Variants in RSPO2 observed in about 807,000 individuals in gnomAD.
The protein encoded by RSPO2 is R-spondin 2.
A neutral mutation model predicts 30.9 loss-of-function variants in RSPO2; 14 were observed. The ratio of observed to expected loss-of-function variants is 0.45; its 90% CI spans 0.30 to 0.71. The LOEUF (loss-of-function observed/expected upper bound fraction) is 0.71. RSPO2 is among the 30% of genes least tolerant of loss of function. RSPO2 has a pLI of 0.08. For synonymous variants in RSPO2, 107 were observed against 96.4 expected, an observed-to-expected ratio of 1.11 and a Z score of -0.64; for missense variants, 264 against 301.9, an observed-to-expected ratio of 0.87 and a Z score of 0.93.
chr8:107,957,476 T>A (rs914343846), intron 5 of RSPO2, among the ~76,000 whole-genome samples: 3 of 152,224 alleles, frequency 2.0e-5, no homozygotes, highest in Non-Finnish European at 2.9e-5. Context: ...TATTACAGAA[T>A]AATTACTGCA....
At chr8:107,930,685 A>C (rs1812526285) in intron 5 of RSPO2, among the ~76,000 whole-genome samples, 1 of 152,332 alleles carries the variant, frequency 6.6e-6, no homozygotes, top group East Asian at 1.9e-4. Context: ...TCAATCATCT[A>C]ACTCATGATG....
At chr8:107,975,452 C>A (rs547749308) in intron 3 of RSPO2, among the ~76,000 whole-genome samples, 3 of 152,338 alleles carry the variant, frequency 2.0e-5, no homozygotes, top group Admixed American at 1.3e-4. Flanking sequence ...TATTTAACTT[C>A]TCTACGCCTC....
At chr8:108,023,109 T>C (rs946337037) in intron 2 of RSPO2, among the ~76,000 whole-genome samples, 1 of 152,176 alleles carries the variant, frequency 6.6e-6, no homozygotes, top group African/African-American at 2.4e-5. Flanking sequence ...GGGAGATTCA[T>C]TGATTGATTT....
intron 2 of RSPO2, among the ~76,000 whole-genome samples, chr8:108,066,107 G>C (rs1339888316): frequency 6.6e-6 from 1 of 152,136 alleles, no homozygotes; most frequent in Non-Finnish European, 1.5e-5. Context: ...AGCCTGATGG[G>C]TTACAAGGGC....
Position 107,899,435 on chromosome 8 carries a change from G to C in RSPO2, c.*1640C>G, listed in dbSNP as rs1481958834. The C allele has an allele frequency of 6.6e-6, 1 of 151,182 alleles. No individual in the cohort carries two copies. Among genetic ancestry groups the C allele is most frequent in the Non-Finnish European group, 1.5e-5 (1 of 67,060 alleles). 9.4% of individuals were successfully genotyped at this position (151,182 alleles called of 1,614,324 possible). The stretch of plus-strand genomic sequence containing the variant: ...CCCACTTAGTAAATGGGAAAATAGT[G>C]TAAATAGACATGAAAGGAGGTAACA... On this transcript the variant is annotated 3_prime_UTR_variant, in exon 6 of 6. Transcript: ENST00000276659.
At chr8:108,049,012 G>C (rs113228329) in intron 2 of RSPO2, among the ~76,000 whole-genome samples, 7,907 of 152,154 alleles carry the variant, frequency 0.052, 649 homozygotes, top group African/African-American at 0.17. Flanking sequence ...GTTCTAATTT[G>C]ATTGCACTGT....
intron 5 of RSPO2, among the ~76,000 whole-genome samples, chr8:107,904,369 A>C (rs1811573017): frequency 6.6e-6 from 1 of 151,932 alleles, no homozygotes; most frequent in South Asian, 2.1e-4. Flanking sequence ...AAAAAAAAAA[A>C]AAGAAGTTTG....
At chr8:107,920,354 A>G (rs1812119491) in intron 5 of RSPO2, among the ~76,000 whole-genome samples, 1 of 152,176 alleles carries the variant, frequency 6.6e-6, no homozygotes, top group Admixed American at 6.5e-5. Context: ...GTTAGAGCTT[A>G]TAAATTGGTA....
intron 2 of RSPO2, among the ~76,000 whole-genome samples, chr8:108,003,277 G>GTGTATATATATA (rs1198114898): frequency 5.3e-5 from 3 of 56,374 alleles, no homozygotes; most frequent in Non-Finnish European, 6.9e-5. Flanking sequence ...GTGTGTGTGT[G>GTGTATATATATA]TATATATATA....
intron 5 of RSPO2, among the ~76,000 whole-genome samples, chr8:107,910,432 C>A (rs546024331): frequency 6.6e-6 from 1 of 152,234 alleles, no homozygotes; most frequent in Admixed American, 6.5e-5. Context: ...ACTCAGAAGC[C>A]TAAGGCAGGA....
chr8:107,925,552 C>G (rs1291183170), intron 5 of RSPO2, among the ~76,000 whole-genome samples: 1 of 151,998 alleles, frequency 6.6e-6, no homozygotes, highest in Admixed American at 6.6e-5. Flanking sequence ...TATCCCTCCC[C>G]CCTCCTCCCA....
intron 5 of RSPO2, among the ~76,000 whole-genome samples, chr8:107,908,038 G>C (rs1383470149): frequency 6.6e-6 from 1 of 152,154 alleles, no homozygotes; most frequent in Non-Finnish European, 1.5e-5. Context: ...CAAATGAACT[G>C]TATTCAGAAA....
chr8:108,065,687 C>G (rs1381763419), intron 2 of RSPO2, among the ~76,000 whole-genome samples: 1 of 151,766 alleles, frequency 6.6e-6, no homozygotes, highest in African/African-American at 2.4e-5. Context: ...ACTTTACTGT[C>G]CCCTGCCCAC....
chr8:107,950,649 G>A (rs1002888668), intron 5 of RSPO2, among the ~76,000 whole-genome samples: 2 of 151,218 alleles, frequency 1.3e-5, no homozygotes, highest in Non-Finnish European at 2.9e-5. Context: ...TCAAACACAA[G>A]ATGATAGTAT....
intron 2 of RSPO2, among the ~76,000 whole-genome samples, chr8:108,026,933 C>T (rs758469868): frequency 2.6e-5 from 4 of 152,120 alleles, no homozygotes; most frequent in Non-Finnish European, 4.4e-5. Context: ...CATAATTTAA[C>T]TTCTCTGTAA....
chr8:107,950,977 T>G (rs905342373), intron 5 of RSPO2, among the ~76,000 whole-genome samples: 1 of 152,190 alleles, frequency 6.6e-6, no homozygotes, highest in African/African-American at 2.4e-5. Flanking sequence ...GCAAATTGAC[T>G]GCTCTTTTTA....
At chr8:107,910,091 G>A (rs559960602) in intron 5 of RSPO2, among the ~76,000 whole-genome samples, 2 of 152,142 alleles carry the variant, frequency 1.3e-5, no homozygotes, top group Non-Finnish European at 2.9e-5. Flanking sequence ...TTGATTAGGA[G>A]GTATGGGATA....
intron 5 of RSPO2, among the ~76,000 whole-genome samples, chr8:107,952,925 C>T (rs1007740383): frequency 6.6e-6 from 1 of 151,884 alleles, no homozygotes; most frequent in African/African-American, 2.4e-5. Context: ...GAAAGAATAC[C>T]CTAAAATTAA....
rs532434869 is a variant in RSPO2 at position 108,017,430 on chromosome 8, A to C, written c.95-28186T>G. Among the ~76,000 whole-genome samples the C allele has an allele frequency of 4.6e-5, 7 of 152,332 alleles. No homozygotes were observed. In the East Asian group the frequency reaches 1.4e-3, roughly 29 times the overall value. Reference sequence around the variant, plus strand: ...TATAACTCTACTAGGAGGATGGGGAAAAGAAGTGGGCTCTTGTGTAGTGAG... The same window carrying C: ...TATAACTCTACTAGGAGGATGGGGACAAGAAGTGGGCTCTTGTGTAGTGAG... On this transcript the variant is annotated intron_variant, in intron 2 of 5. Coordinates refer to ENST00000276659, the MANE Select transcript of RSPO2 (RefSeq NM_178565.5).
Sources: gnomAD v4.1 joint callset for allele counts (sites outside exome capture counted in the v4.1 genomes callset) on GRCh38, gnomAD v4.1.1 for gene constraint, MANE v1.5 for transcripts, NCBI Gene and HGNC (gene_info 2026-07-23, HGNC 2026-07-21) for gene names.